DRC8: variants seen among roughly 807,000 people sequenced by gnomAD.
The protein encoded by DRC8 is dynein regulatory complex protein 8.
chr1:245,006,842 G>A, the DRC8 span, among the ~76,000 whole-genome samples: 1 of 152,112 alleles, frequency 6.6e-6, no homozygotes, highest in African/African-American at 2.4e-5. Flanking sequence ...GCTAAGGTGG[G>A]AGGATCGCTT....
chr1:244,975,590 G>A, the DRC8 span, among the ~76,000 whole-genome samples: 12 of 152,210 alleles, frequency 7.9e-5, no homozygotes, highest in African/African-American at 2.4e-4. Context: ...TGCTGAGGCC[G>A]GCTCACGCCT....
the DRC8 span, among the ~76,000 whole-genome samples, chr1:245,033,786 A>G: frequency 0.026 from 3,961 of 151,358 alleles, 73 homozygotes; most frequent in Middle Eastern, 0.065. Context: ...CAGTGGCGCA[A>G]TCTCGGCTCA....
chr1:245,098,352 C>A, the DRC8 span, among the ~76,000 whole-genome samples: 3 of 151,982 alleles, frequency 2.0e-5, no homozygotes, highest in Non-Finnish European at 4.4e-5. Flanking sequence ...TGTTTAAAAC[C>A]GTGGGGCTGG....
the DRC8 span, among the ~76,000 whole-genome samples, chr1:245,064,122 G>C: frequency 5.9e-5 from 9 of 152,202 alleles, 1 homozygote; most frequent in African/African-American, 1.4e-4. Flanking sequence ...CAGGTGTTAA[G>C]TGTCCAGTAG....
the DRC8 span, among the ~76,000 whole-genome samples, chr1:245,042,227 CTG>C: frequency 6.6e-6 from 1 of 152,214 alleles, no homozygotes; most frequent in Admixed American, 6.5e-5. Context: ...CTCAGTCACT[CTG>C]TAATATCCAG....
At chr1:245,018,275 C>T in the DRC8 span, among the ~76,000 whole-genome samples, 9 of 151,082 alleles carry the variant, frequency 6.0e-5, no homozygotes, top group Non-Finnish European at 7.4e-5. Context: ...TTCAGGAGGC[C>T]GGGCTAAATG....
chr1:245,013,095 A>G, the DRC8 span, among the ~76,000 whole-genome samples: 1 of 152,216 alleles, frequency 6.6e-6, no homozygotes, highest in Admixed American at 6.5e-5. Context: ...ACATCAAAAT[A>G]AACTTCAGAT....
the DRC8 span, among the ~76,000 whole-genome samples, chr1:245,089,578 A>G: frequency 6.6e-6 from 1 of 152,078 alleles, no homozygotes; most frequent in Admixed American, 6.5e-5. This position sits in a 1 kb window ranked among gnomAD's most constrained non-coding sequence, Gnocchi z 4.8. Flanking sequence ...AAAGACGGAA[A>G]AAACGTCCAT....
chr1:245,037,067 C>T, the DRC8 span, among the ~76,000 whole-genome samples: 4 of 152,140 alleles, frequency 2.6e-5, no homozygotes, highest in Non-Finnish European at 5.9e-5. Flanking sequence ...AGTTCTCTCA[C>T]CAAAAGGCTT....
chr1:244,988,206 C>T, the DRC8 span, among the ~76,000 whole-genome samples: 10 of 152,078 alleles, frequency 6.6e-5, no homozygotes, highest in South Asian at 2.1e-4. Context: ...TAAATGAGAT[C>T]GGGTCCCACT....
chr1:245,029,006 G>A, the DRC8 span, among the ~76,000 whole-genome samples: 4 of 152,188 alleles, frequency 2.6e-5, no homozygotes, highest in African/African-American at 7.2e-5. Flanking sequence ...TAGCGTTCGG[G>A]GATCTGGAAT....
the DRC8 span, among the ~76,000 whole-genome samples, chr1:245,081,228 C>T: frequency 3.1e-3 from 465 of 151,832 alleles, 6 homozygotes; most frequent in Non-Finnish European, 4.9e-3. Flanking sequence ...GTGGCCTGAT[C>T]TCGGCTCACT....
At chr1:245,104,242 G>A in the DRC8 span, among the ~76,000 whole-genome samples, 1 of 152,170 alleles carries the variant, frequency 6.6e-6, no homozygotes, top group Admixed American at 6.5e-5. Context: ...GGTGGCTCAG[G>A]CCTGTAATCC....
At chr1:244,970,584 C>A in the DRC8 span, 23 of 1,087,446 alleles carry the variant, frequency 2.1e-5, no homozygotes, top group Middle Eastern at 3.0e-4. Context: ...GAGGGGGCCA[C>A]CCGGCAGCAG....
the DRC8 span, among the ~76,000 whole-genome samples, chr1:245,073,334 C>A: frequency 7.2e-5 from 11 of 152,302 alleles, no homozygotes; most frequent in Admixed American, 5.2e-4. Context: ...TGTGGTTTCA[C>A]CATGTTGGCC....
the DRC8 span, among the ~76,000 whole-genome samples, chr1:244,994,167 T>C: frequency 2.6e-5 from 4 of 152,186 alleles, no homozygotes; most frequent in African/African-American, 9.7e-5. Flanking sequence ...GTAGTACATG[T>C]TTACAGCTAA....
the DRC8 span, chr1:245,017,321 T>C: frequency 6.3e-7 from 1 of 1,584,380 alleles, no homozygotes; most frequent in South Asian, 1.2e-5. Flanking sequence ...ATACAGTGGA[T>C]GTGAGGTGTG....
At chr1:245,033,433 C>T in the DRC8 span, among the ~76,000 whole-genome samples, 1 of 152,224 alleles carries the variant, frequency 6.6e-6, no homozygotes, top group South Asian at 2.1e-4. Flanking sequence ...GAAATACCTT[C>T]TCCCACAAAC....
At chr1:245,072,394 G>A in the DRC8 span, among the ~76,000 whole-genome samples, 5 of 152,062 alleles carry the variant, frequency 3.3e-5, no homozygotes, top group Non-Finnish European at 7.4e-5. Flanking sequence ...CACATGCCAT[G>A]CCCAGCTAAT....
Sources: gnomAD v4.1 joint callset for allele counts (sites outside exome capture counted in the v4.1 genomes callset) on GRCh38, gnomAD v4.1.1 for gene constraint, Gnocchi (gnomAD v3.1) non-coding constraint, MANE v1.5 for transcripts, NCBI Gene and HGNC (gene_info 2026-07-23, HGNC 2026-07-21) for gene names.